Variants in ADGRL3 observed in about 807,000 individuals in gnomAD.
ADGRL3 encodes adhesion G protein-coupled receptor L3.
Under a neutral mutation model 153.5 loss-of-function variants are expected in ADGRL3, and 62 were observed. That is an observed-to-expected ratio of 0.40 (90% CI 0.33 to 0.50). ADGRL3 has a LOEUF of 0.50. Ranked by LOEUF, ADGRL3 falls within the 20% of genes least tolerant of loss-of-function variation. ADGRL3 has a pLI of 0.47. For missense variants in ADGRL3, 1,641 were observed against 1,859.4 expected (o/e 0.88, Z 2.16); for synonymous variants, 710 against 672.5 (o/e 1.06, Z -0.86).
intron 1 of ADGRL3, among the ~76,000 whole-genome samples, chr4:61,243,769 A>G (rs143402564): frequency 4.9e-4 from 74 of 152,120 alleles, no homozygotes; most frequent in African/African-American, 1.7e-3. Context: ...GGCAAATAAT[A>G]TTAAAAAGAT....
chr4:61,465,615 A>G (rs896872909), intron 2 of ADGRL3, among the ~76,000 whole-genome samples: 1 of 151,262 alleles, frequency 6.6e-6, no homozygotes, highest in African/African-American at 2.4e-5. Flanking sequence ...AATAATTACT[A>G]GAATGTGTAT....
chr4:61,348,421 T>C (rs139219861), intron 1 of ADGRL3, among the ~76,000 whole-genome samples: 1 of 151,994 alleles, frequency 6.6e-6, no homozygotes, highest in Admixed American at 6.6e-5. Flanking sequence ...TTCAATGAGA[T>C]CACGTAATAA....
chr4:61,810,431 C>A (rs1425536539), intron 8 of ADGRL3, among the ~76,000 whole-genome samples: 1 of 152,174 alleles, frequency 6.6e-6, no homozygotes, highest in Admixed American at 6.5e-5. Context: ...AAATGTCTTT[C>A]TCCGTCCTAG....
intron 6 of ADGRL3, among the ~76,000 whole-genome samples, chr4:61,719,937 G>A (rs1264961875): frequency 1.3e-5 from 2 of 151,892 alleles, no homozygotes; most frequent in Non-Finnish European, 2.9e-5. Flanking sequence ...TCAAATGCTG[G>A]CTCCTTGCTT....
chr4:61,537,109 G>A (rs2098661448), intron 4 of ADGRL3, among the ~76,000 whole-genome samples: 1 of 151,470 alleles, frequency 6.6e-6, no homozygotes, highest in African/African-American at 2.4e-5. Context: ...TTGCTTGTCT[G>A]GGAAAGACTT....
intron 9 of ADGRL3, among the ~76,000 whole-genome samples, chr4:61,882,737 T>C (rs1192997836): frequency 6.6e-6 from 1 of 152,174 alleles, no homozygotes; most frequent in African/African-American, 2.4e-5. Flanking sequence ...TAAAAAGTTA[T>C]TTAACTCCCT....
chr4:61,744,492 C>T (rs113407922), intron 8 of ADGRL3, among the ~76,000 whole-genome samples: 10 of 152,110 alleles, frequency 6.6e-5, no homozygotes, highest in Non-Finnish European at 8.8e-5. Flanking sequence ...CACCTCACAC[C>T]GCCGGGTACT....
chr4:61,311,771 A>C (rs2095023111), intron 1 of ADGRL3, among the ~76,000 whole-genome samples: 1 of 152,218 alleles, frequency 6.6e-6, no homozygotes, highest in Non-Finnish European at 1.5e-5. Context: ...AGCCATGCTT[A>C]GGGTAATTAA....
At chr4:61,305,241 G>A (rs959937439) in intron 1 of ADGRL3, among the ~76,000 whole-genome samples, 1 of 151,710 alleles carries the variant, frequency 6.6e-6, no homozygotes, top group Admixed American at 6.6e-5. Flanking sequence ...CACTTAAATT[G>A]TGAATATCTT....
At chr4:61,826,110 G>A (rs1410876842) in intron 9 of ADGRL3, among the ~76,000 whole-genome samples, 1 of 147,074 alleles carries the variant, frequency 6.8e-6, no homozygotes, top group Non-Finnish European at 1.5e-5. Flanking sequence ...CCTTGTAGTG[G>A]GAGATTTGGA....
chr4:61,728,555 A>G (rs2096387085), intron 6 of ADGRL3, among the ~76,000 whole-genome samples: 1 of 152,134 alleles, frequency 6.6e-6, no homozygotes. Flanking sequence ...AAGTTAAGAT[A>G]TTTCCACTCA....
intron 25 of ADGRL3, among the ~76,000 whole-genome samples, chr4:62,067,920 G>A (rs1269128691): frequency 2.0e-5 from 3 of 151,924 alleles, no homozygotes; most frequent in African/African-American, 2.4e-5. Context: ...TGGTGGAAAC[G>A]CTTATTAAAG....
rs528483193 is a variant in ADGRL3, at chr4:61,643,036, T to C, written c.474-33790T>C. Among the ~76,000 whole-genome samples, 6 of 152,338 alleles carry C rather than the reference T, an allele frequency of 3.9e-5. No individual in the cohort carries two copies. In the South Asian group the frequency reaches 1.2e-3, roughly 32 times the overall value. Reference sequence around the variant, plus strand: ...GTAAGTTGGATTCCTAGGTATTTTATTCTCTTTGAAGCAATTGTGAATGGG... The same window carrying C: ...GTAAGTTGGATTCCTAGGTATTTTACTCTCTTTGAAGCAATTGTGAATGGG... On this transcript the variant is annotated intron_variant, in intron 5 of 26. Transcript: ENST00000683033.
At chr4:61,612,985 CT>C (rs892489085) in intron 5 of ADGRL3, among the ~76,000 whole-genome samples, 2 of 151,188 alleles carry the variant, frequency 1.3e-5, no homozygotes, top group Non-Finnish European at 3.0e-5. Flanking sequence ...TTATTTGCTT[CT>C]TTTTTTTTAA....
intron 1 of ADGRL3, among the ~76,000 whole-genome samples, chr4:61,223,026 T>C (rs570904161): frequency 5.3e-5 from 8 of 152,298 alleles, no homozygotes; most frequent in South Asian, 2.1e-4. Flanking sequence ...AGGCTATTTA[T>C]TGAGGAAATT....
chr4:61,420,631 C>T (rs1294120940), intron 2 of ADGRL3: 2 of 151,714 alleles, frequency 1.3e-5, no homozygotes, highest in Non-Finnish European at 2.9e-5. Context: ...TGGTCTCGAT[C>T]TCCTGACCTC....
At chr4:61,429,927 A>G (rs539275934) in intron 2 of ADGRL3, among the ~76,000 whole-genome samples, 1 of 152,256 alleles carries the variant, frequency 6.6e-6, no homozygotes, top group African/African-American at 2.4e-5. Context: ...AATTAGAAAT[A>G]ATGGCTTCTA....
chr4:61,976,329 A>G (rs1032959974), intron 17 of ADGRL3, among the ~76,000 whole-genome samples: 1 of 152,134 alleles, frequency 6.6e-6, no homozygotes, highest in Non-Finnish European at 1.5e-5. Flanking sequence ...TTTTCTATGC[A>G]CAGACCGCCT....
chr4:61,762,139 G>T (rs191801005), intron 8 of ADGRL3, among the ~76,000 whole-genome samples: 1 of 152,254 alleles, frequency 6.6e-6, no homozygotes, highest in Non-Finnish European at 1.5e-5. Context: ...CATGGTTAAA[G>T]ATCTGATAGG....
Sources: allele counts gnomAD v4.1 joint callset (sites outside exome capture counted in the v4.1 genomes callset), GRCh38; gene constraint gnomAD v4.1.1; transcripts MANE v1.5; gene names NCBI Gene and HGNC (gene_info 2026-07-23, HGNC 2026-07-21).